The following EVI5 variants were observed in gnomAD, a reference collection of about 807,000 sequenced individuals.
EVI5 encodes the protein ecotropic viral integration site 5.
In EVI5, 73 loss-of-function variants were observed where a neutral mutation model predicts 112.0. The observed-to-expected ratio is 0.65, with a 90% CI of 0.54 to 0.79. The LOEUF (loss-of-function observed/expected upper bound fraction) is 0.79, where lower values mean the gene tolerates loss of function less well. EVI5 is among the 30% of genes least tolerant of loss of function. The pLI, the probability that EVI5 is intolerant of heterozygous loss-of-function variation, is 0.00. For missense variants in EVI5, 900 were observed against 968.8 expected, an observed-to-expected ratio of 0.93 and a Z score of 0.94; for synonymous variants, 305 against 319.9, an observed-to-expected ratio of 0.95 and a Z score of 0.50.
At position 92,509,211 on chromosome 1, in the gene EVI5, T is replaced by G. The variant is rs1659039278; in HGVS notation, c.*4445A>C. The G allele has an allele frequency of 6.6e-6, 1 of 152,608 alleles. No homozygotes were observed. The highest frequency in any genetic ancestry group is 6.5e-5 in the Admixed American group (1 of 15,276). 9.5% of individuals were successfully genotyped at this position (152,608 alleles called of 1,614,324 possible). ...TAAAAGATAAATGAGAATAAGGAACTAAATTATTTCTTACGATGTCAGAAA... is the reference window on the plus strand; with the variant it reads ...TAAAAGATAAATGAGAATAAGGAACGAAATTATTTCTTACGATGTCAGAAA... On this transcript the variant is annotated 3_prime_UTR_variant, in exon 20 of 20. Coordinates refer to ENST00000684568, the MANE Select transcript of EVI5 (RefSeq NM_001350197.2).
At chr1:92,624,858 T>C (rs754861463) in intron 15 of EVI5, among the ~76,000 whole-genome samples, 4 of 152,224 alleles carry the variant, frequency 2.6e-5, no homozygotes, top group Non-Finnish European at 5.9e-5. Flanking sequence ...TGGGGCAATT[T>C]TGCCCCGCCA....
chr1:92,790,413 A>G (rs915923415), intron 1 of EVI5, among the ~76,000 whole-genome samples: 3 of 152,172 alleles, frequency 2.0e-5, no homozygotes, highest in Non-Finnish European at 1.5e-5. Flanking sequence ...CAGCACAAAT[A>G]TAGAACATTT....
At chr1:92,694,748 T>C (rs576852403) in intron 7 of EVI5, among the ~76,000 whole-genome samples, 1 of 152,354 alleles carries the variant, frequency 6.6e-6, no homozygotes, top group South Asian at 2.1e-4. Context: ...TGAACTAATT[T>C]AGATAGGTAA....
chr1:92,689,243 T>G (rs563907633), intron 9 of EVI5, among the ~76,000 whole-genome samples: 36 of 152,268 alleles, frequency 2.4e-4, no homozygotes, highest in African/African-American at 7.9e-4. Context: ...CAGCTTACTT[T>G]GCAACCTTAA....
In EVI5 at chr1:92,663,558, T is replaced by C. The variant is rs1427532189; in HGVS notation, c.1213-106A>G. The stretch of plus-strand genomic sequence containing the variant: ...CCAAATTCCATCTACTTTTCATTGC[T>C]AATTAAAATGGACATTTAAAGTTTA... On this transcript the variant is annotated intron_variant, in intron 11 of 19. Coordinates refer to ENST00000684568, the MANE Select transcript of EVI5 (RefSeq NM_001350197.2). 62 of 503,732 alleles carry C rather than the reference T, an allele frequency of 1.2e-4. No individual in the cohort carries two copies. In the East Asian group the frequency reaches 1.8e-3, roughly 15 times the overall value. The allele number at this position is 503,732 out of a possible 1,614,324, so 31.2% of individuals were successfully genotyped here.
At chr1:92,621,234 A>G (rs1453070160) in intron 16 of EVI5, among the ~76,000 whole-genome samples, 6 of 152,246 alleles carry the variant, frequency 3.9e-5, no homozygotes, top group Admixed American at 3.9e-4. Flanking sequence ...AAGGTGACAG[A>G]TATCAATCCA....
chr1:92,697,566 C>A (rs1286366455), intron 6 of EVI5, among the ~76,000 whole-genome samples: 1 of 152,090 alleles, frequency 6.6e-6, no homozygotes, highest in African/African-American at 2.4e-5. Context: ...GACTACGTAA[C>A]AATAATAGGA....
chr1:92,592,568 T>C (rs1206410727), intron 18 of EVI5, among the ~76,000 whole-genome samples: 2 of 151,764 alleles, frequency 1.3e-5, no homozygotes, highest in Non-Finnish European at 2.9e-5. Context: ...ATAACTAAGA[T>C]CGGAGCAGAA....
rs569681110 is a variant in EVI5, at chr1:92,718,256, C to T, written c.150-13512G>A. Among the ~76,000 whole-genome samples the T allele has an allele frequency of 4.0e-4, 61 of 152,306 alleles. No homozygotes were observed. In the East Asian group the frequency reaches 4.6e-3, roughly 12 times the overall value. On this transcript the variant is annotated intron_variant, in intron 2 of 19. Transcript: ENST00000684568. ...AGAATATACATTCTTCTCAGCACCA[C>T]ATGGCACTTATTCCAAAATTGACCA...
chr1:92,710,933 T>C (rs1458606402), intron 2 of EVI5, among the ~76,000 whole-genome samples: 1 of 152,236 alleles, frequency 6.6e-6, no homozygotes, highest in Non-Finnish European at 1.5e-5. Flanking sequence ...GAGAACAGCC[T>C]CGGTCTTATC....
intron 1 of EVI5, among the ~76,000 whole-genome samples, chr1:92,759,855 A>ACCC (rs370589975): frequency 1.9e-5 from 2 of 105,232 alleles, no homozygotes; most frequent in South Asian, 3.6e-4. Flanking sequence ...ATATACAAAT[A>ACCC]CCCTCCCCCC....
rs573927095 is a variant in EVI5 at position 92,784,435 on chromosome 1, G to T, written c.-82+401C>A. ...TAAAGACGCCAACTTTGCAAGTCAG[G>T]GGGGCGAGTGCTCTCGCCCCTCAGG... is the stretch of plus-strand genomic sequence containing the variant. On this transcript the variant is annotated intron_variant, in intron 1 of 19. Transcript: ENST00000684568. 6,521 of 985,328 alleles carry T rather than the reference G, an allele frequency of 6.6e-3. 22 individuals carry two copies. Among genetic ancestry groups the T allele is most frequent in the Non-Finnish European group, 7.2e-3 (5,988 of 829,856 alleles). 61.0% of individuals were successfully genotyped at this position (985,328 alleles called of 1,614,324 possible).
chr1:92,694,553 T>C (rs980533737), intron 7 of EVI5, among the ~76,000 whole-genome samples, 165 bp from the exon 8 acceptor site: 2 of 152,184 alleles, frequency 1.3e-5, no homozygotes, highest in Non-Finnish European at 2.9e-5. Context: ...TGGTGGGCTA[T>C]ATTGTCTGTC....
At chr1:92,566,194 A>T (rs188458331) in intron 18 of EVI5, among the ~76,000 whole-genome samples, 1 of 152,254 alleles carries the variant, frequency 6.6e-6, no homozygotes, top group East Asian at 1.9e-4. Context: ...ACCTTTTACT[A>T]GAATATGGCC....
Position 92,713,343 on chromosome 1 carries a change from T to C in EVI5, c.150-8599A>G, listed in dbSNP as rs952559478. ...TATTGCCTTTTCTTTTTTCATTTTA[T>C]GGTAGACAATATGGTCGACCATACT... On this transcript the variant is annotated intron_variant, in intron 2 of 19. Coordinates refer to ENST00000684568, the MANE Select transcript of EVI5 (RefSeq NM_001350197.2). 4.0e-5 allele frequency among the ~76,000 whole-genome samples: 6 copies of C among 151,694 alleles called. No individual in the cohort carries two copies. In the East Asian group the frequency reaches 1.2e-3, roughly 29 times the overall value.
At chr1:92,603,150 C>A (rs1649551579) in intron 18 of EVI5, among the ~76,000 whole-genome samples, 1 of 152,122 alleles carries the variant, frequency 6.6e-6, no homozygotes, top group South Asian at 2.1e-4. Context: ...AATGAGATAC[C>A]ACTTCACACC....
chr1:92,716,442 C>A (rs1306912070), intron 2 of EVI5, among the ~76,000 whole-genome samples: 1 of 152,172 alleles, frequency 6.6e-6, no homozygotes, highest in African/African-American at 2.4e-5. Flanking sequence ...AAAAGGACAT[C>A]CACACCAAAA....
intron 18 of EVI5, among the ~76,000 whole-genome samples, chr1:92,588,360 C>A (rs1673145203): frequency 6.6e-6 from 1 of 152,200 alleles, no homozygotes; most frequent in South Asian, 2.1e-4. Flanking sequence ...TCACTCCACC[C>A]AGACTCTACT....
intron 1 of EVI5, among the ~76,000 whole-genome samples, chr1:92,748,754 C>A (rs190830912): frequency 3.4e-4 from 52 of 151,954 alleles, no homozygotes; most frequent in African/African-American, 1.3e-3. Flanking sequence ...TGAGTAGGTA[C>A]AAGTACACTA....
Sources: allele counts gnomAD v4.1 joint callset (sites outside exome capture counted in the v4.1 genomes callset), GRCh38; gene constraint gnomAD v4.1.1; transcripts MANE v1.5; gene names NCBI Gene and HGNC (gene_info 2026-07-23, HGNC 2026-07-21).